The following FRMPD4 variants were observed in gnomAD, a reference collection of about 807,000 sequenced individuals.
FRMPD4 encodes the protein FERM and PDZ domain containing 4, also known as FERM and PDZ domain-containing protein 4.
In FRMPD4, 22 loss-of-function variants were observed where a neutral mutation model predicts 94.1. The ratio of observed to expected loss-of-function variants is 0.23; its 90% CI spans 0.17 to 0.33. FRMPD4 has a LOEUF of 0.33. Among genes scored for constraint, FRMPD4 ranks in the 10% least tolerant of loss-of-function variants. The pLI is 1.00. For synonymous variants in FRMPD4, 631 were observed against 548.6 expected (o/e 1.15, Z -2.10); for missense variants, 1,111 against 1,339.9 (o/e 0.83, Z 2.67).
intron 1 of FRMPD4, among the ~76,000 whole-genome samples, chrX:12,173,299 A>T (rs1362893795): frequency 1.8e-5 from 2 of 112,514 alleles, no homozygotes; most frequent in African/African-American, 6.5e-5. Flanking sequence ...TCTCCAGCAG[A>T]TACATTTGGG....
intron 1 of FRMPD4, among the ~76,000 whole-genome samples, chrX:12,175,667 T>C (rs1416793167): frequency 8.9e-6 from 1 of 111,837 alleles, no homozygotes; most frequent in Non-Finnish European, 1.9e-5. Flanking sequence ...GCGCCTGCCA[T>C]CATGCCTGGC....
chrX:12,036,141 G>C (rs943418598), intron 3 of FRMPD4, among the ~76,000 whole-genome samples: 2 of 111,749 alleles, frequency 1.8e-5, no homozygotes, highest in Non-Finnish European at 3.8e-5. Flanking sequence ...TATTACCCAA[G>C]TTAACATCTC....
At chrX:11,911,921 T>C (rs1342567071) in intron 3 of FRMPD4, among the ~76,000 whole-genome samples, 1 of 112,074 alleles carries the variant, frequency 8.9e-6, no homozygotes, top group Non-Finnish European at 1.9e-5. Context: ...CCAAGATCCA[T>C]ACACTTTCCC....
intron 1 of FRMPD4, among the ~76,000 whole-genome samples, chrX:12,150,078 TA>T (rs1569170192): frequency 8.9e-6 from 1 of 112,931 alleles, no homozygotes. Context: ...ATGTAACTTT[TA>T]TATGCACTGG....
intron 3 of FRMPD4, among the ~76,000 whole-genome samples, chrX:11,977,076 A>G (rs1170895560): frequency 9.0e-6 from 1 of 111,670 alleles, no homozygotes; most frequent in Non-Finnish European, 1.9e-5. Context: ...AGCAAATAGT[A>G]TTTTCTCTCA....
At chrX:12,493,181 G>A (rs2057809387) in intron 1 of FRMPD4, among the ~76,000 whole-genome samples, 1 of 110,996 alleles carries the variant, frequency 9.0e-6, no homozygotes, top group African/African-American at 3.3e-5. Context: ...AACCCACATT[G>A]CATGTCAACC....
At chrX:12,665,967 GAC>G (rs2059771731) in intron 4 of FRMPD4, among the ~76,000 whole-genome samples, 2 of 111,242 alleles carry the variant, frequency 1.8e-5, no homozygotes, top group African/African-American at 6.5e-5. Flanking sequence ...CCAATTAAAA[GAC>G]ACAGACTGGC....
At chrX:12,395,439 A>T (rs1322851913) in intron 1 of FRMPD4, among the ~76,000 whole-genome samples, 1 of 112,548 alleles carries the variant, frequency 8.9e-6, no homozygotes, top group Non-Finnish European at 1.9e-5. Context: ...ATTTACTTCC[A>T]GTTACTCATC....
chrX:12,317,797 G>A (rs771981412), intron 1 of FRMPD4, among the ~76,000 whole-genome samples: 36 of 111,484 alleles, frequency 3.2e-4, no homozygotes, highest in Non-Finnish European at 6.0e-4. Context: ...ATTATCAAAA[G>A]ACGGAAAATA....
Position 11,986,022 on chromosome X carries a change from G to A in FRMPD4, c.95+108004G>A, listed in dbSNP as rs182146667. On this transcript the variant is annotated intron_variant, in intron 3 of 18. Coordinates refer to the FRMPD4 transcript ENST00000640291. ...TGGCTTGCTTTGCCATCTGCTCATT[G>A]TAGAGCCCTAGGGCCTTGAGCAAAC... 3.1e-4 allele frequency among the ~76,000 whole-genome samples: 35 copies of A among 112,756 alleles called. 1 individual carries two copies. In the East Asian group the frequency reaches 9.0e-3, roughly 29 times the overall value.
chrX:12,198,593 A>G (rs1260122909), intron 1 of FRMPD4, among the ~76,000 whole-genome samples: 1 of 111,618 alleles, frequency 9.0e-6, no homozygotes, highest in Non-Finnish European at 1.9e-5. Context: ...GTGCCATTTT[A>G]CATCATTCTT....
At chrX:12,569,590 C>G (rs917847310) in intron 2 of FRMPD4, among the ~76,000 whole-genome samples, 5 of 112,227 alleles carry the variant, frequency 4.5e-5, no homozygotes, top group Admixed American at 9.5e-5. Context: ...AAACCACACT[C>G]TGTTTCTGTT....
intron 3 of FRMPD4, among the ~76,000 whole-genome samples, chrX:12,043,869 C>A (rs1407587418): frequency 9.0e-6 from 1 of 111,298 alleles, no homozygotes; most frequent in Non-Finnish European, 1.9e-5. Context: ...AAATTCACTG[C>A]AGCTTCTGAT....
intron 1 of FRMPD4, among the ~76,000 whole-genome samples, chrX:12,280,327 C>G (rs1408827690): frequency 9.1e-6 from 1 of 110,086 alleles, no homozygotes; most frequent in East Asian, 2.8e-4. Flanking sequence ...GAACACATCT[C>G]TAATGTAAAT....
chrX:12,697,386 TA>T (rs1477630995), intron 9 of FRMPD4, among the ~76,000 whole-genome samples: 1 of 112,285 alleles, frequency 8.9e-6, no homozygotes, highest in East Asian at 2.8e-4. Context: ...TAGTTGCAAA[TA>T]AATAGTTATA....
intron 3 of FRMPD4, among the ~76,000 whole-genome samples, chrX:12,085,574 A>G (rs2055101783): frequency 9.0e-6 from 1 of 111,596 alleles, no homozygotes; most frequent in Non-Finnish European, 1.9e-5. Context: ...AAATTAAAAA[A>G]TTCTGGATGC....
chrX:12,224,366 G>A (rs1476883823), intron 1 of FRMPD4, among the ~76,000 whole-genome samples: 3 of 110,103 alleles, frequency 2.7e-5, no homozygotes, highest in Non-Finnish European at 5.7e-5. Flanking sequence ...CCTCCCACTT[G>A]AGCCTCCTGA....
chrX:12,061,158 T>C (rs1173020856), intron 3 of FRMPD4, among the ~76,000 whole-genome samples: 2 of 111,890 alleles, frequency 1.8e-5, no homozygotes, highest in Non-Finnish European at 3.8e-5. Context: ...TATATCATCT[T>C]CAGCTAAAAC....
At chrX:12,409,820 A>G (rs1252517343) in intron 1 of FRMPD4, among the ~76,000 whole-genome samples, 1 of 111,733 alleles carries the variant, frequency 8.9e-6, no homozygotes, top group Non-Finnish European at 1.9e-5. Flanking sequence ...CATTTCCGTT[A>G]CTGTTCGTGG....
Sources: gnomAD v4.1 joint callset for allele counts (sites outside exome capture counted in the v4.1 genomes callset) on GRCh38, gnomAD v4.1.1 for gene constraint, MANE v1.5 for transcripts, NCBI Gene and HGNC (gene_info 2026-07-23, HGNC 2026-07-21) for gene names.